The following KIAA1217 variants were observed in gnomAD, a reference collection of about 807,000 sequenced individuals.
The protein encoded by KIAA1217 is sickle tail protein homolog.
In KIAA1217, 88 loss-of-function variants were observed where a neutral mutation model predicts 163.9. The observed-to-expected ratio is 0.54, with a 90% confidence interval of 0.45 to 0.64. The LOEUF (loss-of-function observed/expected upper bound fraction) is 0.64. Among genes scored for constraint, KIAA1217 ranks in the 30% least tolerant of loss-of-function variants. KIAA1217 has a pLI of 0.00. For missense variants in KIAA1217, 2,372 were observed against 2,475.0 expected (o/e 0.96, Z 0.88); for synonymous variants, 903 against 923.1 (o/e 0.98, Z 0.39).
intron 3 of KIAA1217, among the ~76,000 whole-genome samples, chr10:24,403,801 G>A (rs2056851540): frequency 6.6e-6 from 1 of 152,016 alleles, no homozygotes; most frequent in African/African-American, 2.4e-5. Flanking sequence ...ACCACAGTGA[G>A]GTAGCACTAC....
At chr10:24,141,359 TTC>T (rs763057586) in intron 2 of KIAA1217, among the ~76,000 whole-genome samples, 2 of 151,952 alleles carry the variant, frequency 1.3e-5, no homozygotes, top group Non-Finnish European at 2.9e-5. Context: ...TTCATTTTCT[TTC>T]TCTCTCTCCA....
chr10:23,992,691 G>A (rs1366014392), intron 1 of KIAA1217, among the ~76,000 whole-genome samples: 1 of 149,496 alleles, frequency 6.7e-6, no homozygotes, highest in Non-Finnish European at 1.5e-5. Flanking sequence ...AAGCTTCAAG[G>A]TCAGGCCCTG....
At chr10:24,261,734 C>T (rs558450623) in intron 2 of KIAA1217, among the ~76,000 whole-genome samples, 3 of 152,162 alleles carry the variant, frequency 2.0e-5, no homozygotes, top group Admixed American at 2.0e-4. Flanking sequence ...CTACCGTAAC[C>T]AGGACTCTGA....
chr10:24,057,807 C>T lies in KIAA1217; in HGVS notation c.-171+50433C>T, dbSNP rs186550759. Among the ~76,000 whole-genome samples, 17 of 152,236 alleles carry T rather than the reference C, an allele frequency of 1.1e-4. No individual in the cohort carries two copies. In the East Asian group the frequency reaches 2.1e-3, roughly 19 times the overall value. ...CTTACCTACTTTGGAAAATCCCTTCCCAGCTATATGGGATTCACACATATT... is the reference window on the plus strand; with the variant it reads ...CTTACCTACTTTGGAAAATCCCTTCTCAGCTATATGGGATTCACACATATT... On this transcript the variant is annotated intron_variant, in intron 2 of 18. Transcript: ENST00000376462.
intron 2 of KIAA1217, among the ~76,000 whole-genome samples, chr10:24,346,455 G>C (rs1009002882): frequency 5.9e-5 from 9 of 151,900 alleles, no homozygotes; most frequent in African/African-American, 2.2e-4. Context: ...CTGGGGGACA[G>C]AGCGAGACTC....
At chr10:23,817,986 T>TAC (rs1321270420) in intron 1 of KIAA1217, among the ~76,000 whole-genome samples, 1 of 123,774 alleles carries the variant, frequency 8.1e-6, no homozygotes, top group African/African-American at 3.4e-5. Context: ...TATATATATA[T>TAC]ATATATATAT....
Position 24,521,907 on chromosome 10 carries a change from G to C in KIAA1217, c.2434G>C (p.Asp812His), listed in dbSNP as rs200602140. The change falls in exon 12 of 21, where the codon GAC becomes CAC. Residue 812 changes from aspartate (D) to histidine (H), a missense_variant. Asp to His is a moderately conservative substitution (Grantham distance 81, BLOSUM62 -1). Coordinates refer to ENST00000376454, the MANE Select transcript of KIAA1217 (RefSeq NM_019590.5). ...SLLKRVRSMT[D>H]VLTMLRRHVT... ...CCTGAAGCGTGTGCGCAGCATGACA[G>C]ACGTCCTGACCATGCTGCGGAGGTG... 1 of 1,612,518 alleles carries C rather than the reference G, an allele frequency of 6.2e-7. No individual in the cohort carries two copies. The highest frequency in any genetic ancestry group is 2.2e-5 in the East Asian group (1 of 44,866).
At chr10:23,828,486 C>T (rs1332016953) in intron 1 of KIAA1217, among the ~76,000 whole-genome samples, 1 of 152,090 alleles carries the variant, frequency 6.6e-6, no homozygotes, top group Non-Finnish European at 1.5e-5. Flanking sequence ...ACCGTGAATG[C>T]CAGGCTATCA....
chr10:23,726,144 A>C (rs1838117329), intron 1 of KIAA1217, among the ~76,000 whole-genome samples: 1 of 152,056 alleles, frequency 6.6e-6, no homozygotes, highest in Non-Finnish European at 1.5e-5. Context: ...TTTAACTTTC[A>C]GTCTTTCTAA....
chr10:23,788,674 C>T (rs901751559), intron 1 of KIAA1217, among the ~76,000 whole-genome samples: 3 of 152,166 alleles, frequency 2.0e-5, no homozygotes, highest in South Asian at 2.1e-4. Context: ...TACATATGCA[C>T]ATTTTGGAGA....
At chr10:24,453,077 G>A (rs980921382) in intron 5 of KIAA1217, among the ~76,000 whole-genome samples, 13 of 152,184 alleles carry the variant, frequency 8.5e-5, no homozygotes, top group African/African-American at 2.7e-4. Context: ...AGTGGTTGGA[G>A]TGAGATGGTC....
chr10:24,198,024 A>G (rs1318774735), intron 2 of KIAA1217, among the ~76,000 whole-genome samples: 1 of 152,196 alleles, frequency 6.6e-6, no homozygotes, highest in East Asian at 1.9e-4. Context: ...CTGTGAGCCT[A>G]TTGAGTGAAT....
intron 1 of KIAA1217, among the ~76,000 whole-genome samples, chr10:23,873,969 A>G (rs1345733829): frequency 1.3e-5 from 2 of 152,086 alleles, no homozygotes; most frequent in African/African-American, 4.8e-5. Context: ...TGCCAAGCAC[A>G]TGGTAAGAAT....
chr10:24,322,040 C>T (rs2044229992), intron 2 of KIAA1217, among the ~76,000 whole-genome samples: 1 of 152,120 alleles, frequency 6.6e-6, no homozygotes. Flanking sequence ...TCTCCACCTC[C>T]CAGGTTCACG....
intron 2 of KIAA1217, among the ~76,000 whole-genome samples, chr10:24,340,274 G>T (rs1278452548): frequency 6.6e-6 from 1 of 152,186 alleles, no homozygotes; most frequent in Non-Finnish European, 1.5e-5. Flanking sequence ...GTCGTGGGAA[G>T]AACCCGGTGT....
At chr10:23,817,417 C>G (rs1038077070) in intron 1 of KIAA1217, among the ~76,000 whole-genome samples, 2 of 152,128 alleles carry the variant, frequency 1.3e-5, no homozygotes, top group Admixed American at 1.3e-4. Flanking sequence ...TTTGGCAATT[C>G]TATCATAAAA....
intron 1 of KIAA1217, among the ~76,000 whole-genome samples, chr10:23,876,868 C>T (rs1840722184): frequency 6.6e-6 from 1 of 151,760 alleles, no homozygotes; most frequent in African/African-American, 2.4e-5. Context: ...TTGATGACAA[C>T]AATAAAGGGT....
chr10:24,282,119 G>C lies in KIAA1217; in HGVS notation c.354+62210G>C, dbSNP rs1364970360. Among the ~76,000 whole-genome samples the C allele has an allele frequency of 8.5e-5, 13 of 152,104 alleles. 1 individual carries two copies. ...ATGGTGGCTTATGCCTATAATCCCA[G>C]TACTTTGGGAGGCTAAGGCAGGAGG... is the stretch of plus-strand genomic sequence containing the variant. On this transcript the variant is annotated intron_variant, in intron 2 of 20. Transcript: ENST00000376454.
At chr10:24,289,791 C>A (rs1590646292) in intron 2 of KIAA1217, among the ~76,000 whole-genome samples, 1 of 151,934 alleles carries the variant, frequency 6.6e-6, no homozygotes, top group East Asian at 1.9e-4. Flanking sequence ...ATGCTGGGAC[C>A]CCCTGGGATT....
Sources: allele counts gnomAD v4.1 joint callset (sites outside exome capture counted in the v4.1 genomes callset), GRCh38; gene constraint gnomAD v4.1.1; transcripts MANE v1.5; gene names NCBI Gene and HGNC (gene_info 2026-07-23, HGNC 2026-07-21).